Variants in FLT1 observed in about 807,000 individuals in gnomAD.
The protein encoded by FLT1 is vascular endothelial growth factor receptor 1.
Under a neutral mutation model 156.3 loss-of-function variants are expected in FLT1, and 49 were observed. The observed-to-expected ratio is 0.31, with a 90% confidence interval of 0.25 to 0.40. The LOEUF (loss-of-function observed/expected upper bound fraction) is 0.40. Ranked by LOEUF, FLT1 falls within the 10% of genes least tolerant of loss-of-function variation. The probability of loss-of-function intolerance (pLI) is 1.00; values close to 1 mark genes in which losing one functional copy is unlikely to be tolerated. For synonymous variants in FLT1, 594 were observed against 583.8 expected, an observed-to-expected ratio of 1.02 and a Z score of -0.25; for missense variants, 1,322 against 1,637.2, an observed-to-expected ratio of 0.81 and a Z score of 3.32.
rs536679471 is a variant in FLT1 at position 28,325,840 on chromosome 13, G to C, written c.2796+1622C>G. On this transcript the variant is annotated intron_variant, in intron 20 of 29. Transcript: ENST00000282397. ...TCAAAAAAAAAAAAAAAAAAAAAAG[G>C]TTCTTATTATTAGAGGACCTGACTT... 8.2e-3 allele frequency among the ~76,000 whole-genome samples: 929 copies of C among 113,738 alleles called. 12 individuals are homozygous for C. The highest frequency in any genetic ancestry group is 0.015 in the Non-Finnish European group (741 of 49,706). The allele number at this position is 113,738 out of a possible 152,430, so 74.6% of individuals were successfully genotyped here.
intron 8 of FLT1, 53 bp from the exon 9 acceptor site, chr13:28,427,974 C>T: frequency 6.8e-7 from 1 of 1,471,826 alleles, no homozygotes; most frequent in East Asian, 2.3e-5. Context: ...CTCAATATCA[C>T]TTTGATAACA....
At chr13:28,342,970 T>C (rs201487891) in intron 16 of FLT1, among the ~76,000 whole-genome samples, 296 of 98,058 alleles carry the variant, frequency 3.0e-3, no homozygotes, top group African/African-American at 0.011. Context: ...CTCTCTCTCT[T>C]TCTTTCTTTC....
At chr13:28,475,578 C>G (rs1350499826) in intron 1 of FLT1, among the ~76,000 whole-genome samples, 1 of 152,130 alleles carries the variant, frequency 6.6e-6, no homozygotes, top group Non-Finnish European at 1.5e-5. Context: ...TAGACTAAAT[C>G]TCATAGAATC....
intron 1 of FLT1, among the ~76,000 whole-genome samples, chr13:28,485,063 C>T (rs1340691092): frequency 6.6e-5 from 10 of 151,336 alleles, no homozygotes; most frequent in Admixed American, 6.6e-4. Flanking sequence ...CACATGTACC[C>T]TAAAACTTAA....
At chr13:28,410,995 C>T (rs1232781668) in intron 10 of FLT1, among the ~76,000 whole-genome samples, 1 of 152,066 alleles carries the variant, frequency 6.6e-6, no homozygotes, top group Non-Finnish European at 1.5e-5. Context: ...CTCAGAGTCA[C>T]CTGTTACAGA....
chr13:28,436,868 C>T (rs1179658398), intron 4 of FLT1, among the ~76,000 whole-genome samples: 2 of 152,118 alleles, frequency 1.3e-5, no homozygotes, highest in Non-Finnish European at 2.9e-5. Flanking sequence ...ATTGTCATTA[C>T]CCCCTTCCTC....
At chr13:28,362,415 A>G (rs1873144172) in intron 14 of FLT1, among the ~76,000 whole-genome samples, 1 of 152,230 alleles carries the variant, frequency 6.6e-6, no homozygotes, top group Non-Finnish European at 1.5e-5. Flanking sequence ...CTCCGGGTCA[A>G]TGAACATTTA....
At chr13:28,398,985 G>A in intron 11 of FLT1, 1 of 1,080,906 alleles carries the variant, frequency 9.3e-7, no homozygotes, top group Non-Finnish European at 1.4e-6. Context: ...TTAAGAGGTG[G>A]GACATAAAAA....
chr13:28,348,383 C>T (rs1872632769), intron 15 of FLT1, among the ~76,000 whole-genome samples: 1 of 152,176 alleles, frequency 6.6e-6, no homozygotes, highest in Admixed American at 6.5e-5. Context: ...CTCTTTTCAG[C>T]TTCATCTCCT....
intron 17 of FLT1, among the ~76,000 whole-genome samples, chr13:28,335,275 G>A (rs771573853): frequency 1.3e-5 from 2 of 152,102 alleles, no homozygotes; most frequent in Non-Finnish European, 2.9e-5. Context: ...CCACTGGTTG[G>A]TTAAAACTAT....
intron 3 of FLT1, among the ~76,000 whole-genome samples, chr13:28,463,342 G>T (rs1335764227): frequency 1.3e-5 from 2 of 152,186 alleles, no homozygotes; most frequent in Non-Finnish European, 2.9e-5. Flanking sequence ...AACAGCGCCT[G>T]TTACACAGCA....
At position 28,397,065 on chromosome 13, in the gene FLT1, C is replaced by A; in HGVS notation, c.1555G>T (p.Ala519Ser). The A allele has an allele frequency of 6.2e-7, 1 of 1,604,064 alleles. No homozygotes were observed. Among genetic ancestry groups the A allele is most frequent in the Non-Finnish European group, 8.5e-7 (1 of 1,171,008 alleles). ...MAIIEGKNKM[A>S]STLVVADSRI... ...GAGTCAGCCACAACCAAGGTGCTAGCCATCTGCAAAAGAAAAGGAAACTTT... is the reference window on the plus strand; with the variant it reads ...GAGTCAGCCACAACCAAGGTGCTAGACATCTGCAAAAGAAAAGGAAACTTT... The change falls in exon 12 of 30, where the codon GCT (alanine) becomes TCT (serine). Residue 519 changes from alanine (A) to serine (S), a missense_variant. Ala to Ser is a moderately conservative substitution (Grantham distance 99). Coordinates refer to ENST00000282397, the MANE Select transcript of FLT1 (RefSeq NM_002019.4).
At chr13:28,307,306 T>G (rs1289601398) in intron 28 of FLT1, among the ~76,000 whole-genome samples, 1 of 152,206 alleles carries the variant, frequency 6.6e-6, no homozygotes, top group Non-Finnish European at 1.5e-5. Context: ...CTTCACTACT[T>G]TGTTAATACG....
chr13:28,386,401 T>A, intron 13 of FLT1: 1 of 1,030,456 alleles, frequency 9.7e-7, no homozygotes, highest in Non-Finnish European at 1.2e-6. Context: ...GATTTCTCAA[T>A]AAATTTTGAT....
rs1878213167 is a variant in FLT1, at chr13:28,439,329, C to G, written c.389-984G>C. ...TGGAAAGAAGTCCTGTGTGAACTCT[C>G]TCCATTTGGACCTGAAAGAACCAAC... On this transcript the variant is annotated intron_variant, in intron 3 of 29. Transcript: ENST00000282397. This position sits in a 1 kb window ranked among gnomAD's most constrained non-coding sequence, Gnocchi z 4.1. 6.6e-6 allele frequency among the ~76,000 whole-genome samples: 1 copy of G among 152,206 alleles called. No homozygotes were observed. The highest frequency in any genetic ancestry group is 2.1e-4 in the South Asian group (1 of 4,832).
At chr13:28,374,190 G>A (rs1001659139) in intron 14 of FLT1, among the ~76,000 whole-genome samples, 1 of 152,026 alleles carries the variant, frequency 6.6e-6, no homozygotes, top group Non-Finnish European at 1.5e-5. Context: ...TTTATGTTAT[G>A]TGCATTTTGC....
chr13:28,433,567 A>G (rs1341151368), intron 6 of FLT1, among the ~76,000 whole-genome samples: 4 of 152,202 alleles, frequency 2.6e-5, no homozygotes, highest in Non-Finnish European at 5.9e-5. Context: ...TCCACCTAGA[A>G]TCATGCAATA....
At chr13:28,482,173 G>C (rs1315500471) in intron 1 of FLT1, among the ~76,000 whole-genome samples, 1 of 152,080 alleles carries the variant, frequency 6.6e-6, no homozygotes, top group Non-Finnish European at 1.5e-5. Context: ...TACAGACCTC[G>C]CCGGGTGTGG....
intron 25 of FLT1, among the ~76,000 whole-genome samples, chr13:28,313,888 TA>T (rs779467248): frequency 0.31 from 22,187 of 70,554 alleles, 2,011 homozygotes; most frequent in Middle Eastern, 0.37. Context: ...TACAGGGAGG[TA>T]AAAAAAAAAA....
Sources: gnomAD v4.1 joint callset for allele counts (sites outside exome capture counted in the v4.1 genomes callset) on GRCh38, gnomAD v4.1.1 for gene constraint, Gnocchi (gnomAD v3.1) non-coding constraint, MANE v1.5 for transcripts, NCBI Gene and HGNC (gene_info 2026-07-23, HGNC 2026-07-21) for gene names.